Variants in DENND1B observed in about 807,000 individuals in gnomAD.
DENND1B encodes the protein DENN domain-containing protein 1B.
In DENND1B, 59 loss-of-function variants were observed where a neutral mutation model predicts 90.1. The observed-to-expected ratio is 0.65, with a 90% confidence interval of 0.53 to 0.81. DENND1B has a LOEUF of 0.81. Ranked by LOEUF, DENND1B falls within the 40% of genes least tolerant of loss-of-function variation. The pLI is 0.00. For synonymous variants in DENND1B, 337 were observed against 324.6 expected (o/e 1.04, Z -0.41); for missense variants, 862 against 912.6 (o/e 0.94, Z 0.71).
intron 2 of DENND1B, among the ~76,000 whole-genome samples, chr1:197,723,432 G>A (rs1310312028): frequency 6.6e-6 from 1 of 152,030 alleles, no homozygotes; most frequent in African/African-American, 2.4e-5. Context: ...GGCCCTTCAT[G>A]AGAGTTTTAA....
intron 5 of DENND1B, among the ~76,000 whole-genome samples, chr1:197,665,717 C>G (rs965640826): frequency 6.6e-6 from 1 of 151,844 alleles, no homozygotes; most frequent in Admixed American, 6.6e-5. Flanking sequence ...TATGCTTCAA[C>G]AAAAGCTCAA....
chr1:197,582,415 T>G (rs1674324105), intron 15 of DENND1B, among the ~76,000 whole-genome samples: 1 of 152,168 alleles, frequency 6.6e-6, no homozygotes, highest in Non-Finnish European at 1.5e-5. Flanking sequence ...TGACACACAG[T>G]AGGTCTTCAT....
chr1:197,716,993 T>A (rs1660709518), intron 2 of DENND1B, among the ~76,000 whole-genome samples: 1 of 151,918 alleles, frequency 6.6e-6, no homozygotes, highest in Admixed American at 6.6e-5. Flanking sequence ...AATAAGTACA[T>A]GAAAACTGCA....
intron 2 of DENND1B, among the ~76,000 whole-genome samples, chr1:197,718,873 G>C (rs1660891474): frequency 6.6e-6 from 1 of 152,078 alleles, no homozygotes; most frequent in Admixed American, 6.6e-5. Flanking sequence ...AGATAAAGCT[G>C]GATTGGCAAG....
upstream of DENND1B, among the ~76,000 whole-genome samples, chr1:197,778,686 A>T (rs11806935): frequency 6.0e-3 from 859 of 144,350 alleles, 8 homozygotes; most frequent in African/African-American, 0.02. Flanking sequence ...AAAAAAAATT[A>T]AAAAAAAAAA....
At chr1:197,766,953 C>T (rs1314802269) in intron 2 of DENND1B, among the ~76,000 whole-genome samples, 2 of 151,808 alleles carry the variant, frequency 1.3e-5, no homozygotes, top group African/African-American at 2.4e-5. Flanking sequence ...GACACCACAC[C>T]CCGCTAAATT....
intron 3 of DENND1B, among the ~76,000 whole-genome samples, chr1:197,691,088 A>G (rs891937226): frequency 1.3e-5 from 2 of 152,038 alleles, no homozygotes; most frequent in Non-Finnish European, 2.9e-5. Flanking sequence ...ACAGGCAACT[A>G]AGGCAAAAAT....
At chr1:197,562,037 T>C (rs919361615) in intron 15 of DENND1B, among the ~76,000 whole-genome samples, 6 of 152,026 alleles carry the variant, frequency 3.9e-5, no homozygotes, top group Admixed American at 3.9e-4. Flanking sequence ...GAAATCTACA[T>C]TGACTATATT....
At chr1:197,621,657 A>G in intron 10 of DENND1B, among the ~76,000 whole-genome samples, 1 of 151,380 alleles carries the variant, frequency 6.6e-6, no homozygotes, top group Admixed American at 6.6e-5. Context: ...TGACAGGGCC[A>G]AGACTCCACA....
chr1:197,585,327 G>A (rs1484796633), intron 14 of DENND1B, among the ~76,000 whole-genome samples: 14 of 152,102 alleles, frequency 9.2e-5, no homozygotes, highest in African/African-American at 3.4e-4. Flanking sequence ...GCCTCTAATG[G>A]CAGTTCTGGC....
intron 14 of DENND1B, among the ~76,000 whole-genome samples, chr1:197,592,349 G>A (rs557968212): frequency 6.6e-6 from 1 of 152,124 alleles, no homozygotes; most frequent in South Asian, 2.1e-4. Context: ...CTTATCTAAA[G>A]GGCCTATCAA....
At chr1:197,557,172 T>C (rs543774971) in intron 15 of DENND1B, among the ~76,000 whole-genome samples, 2 of 152,082 alleles carry the variant, frequency 1.3e-5, no homozygotes, top group Non-Finnish European at 2.9e-5. Flanking sequence ...CTTGCACACA[T>C]TTGTAACACA....
chr1:197,566,327 T>A (rs1008754761), intron 15 of DENND1B, among the ~76,000 whole-genome samples: 1 of 152,126 alleles, frequency 6.6e-6, no homozygotes, highest in East Asian at 1.9e-4. Flanking sequence ...GCCCACTTTT[T>A]GATGGGGTTG....
chr1:197,735,521 G>A, intron 2 of DENND1B: 1 of 1,608,848 alleles, frequency 6.2e-7, no homozygotes, highest in Admixed American at 1.7e-5. Flanking sequence ...TTACTTTAGT[G>A]TGAACTATGA....
Position 197,510,669 on chromosome 1 carries a change from G to C in DENND1B, c.2119C>G (p.Leu707Val), listed in dbSNP as rs1189281035. The change falls in exon 23 of 23, where the codon CTA becomes GTA. Residue 707 changes from leucine to valine, a missense_variant. Coordinates refer to ENST00000620048, the MANE Select transcript of DENND1B (RefSeq NM_001195215.2). ...DKGKTEKRET[L>V]SQISDDLLIP... Reference sequence around the variant, plus strand: ...AGCAGATCATCTGAAATCTGGCTTAGTGTTTCCCTCTTTTCTGTTTTTCCT... The same window carrying C: ...AGCAGATCATCTGAAATCTGGCTTACTGTTTCCCTCTTTTCTGTTTTTCCT... 9 of 1,612,696 alleles carry C rather than the reference G, an allele frequency of 5.6e-6. No individual in the cohort carries two copies. Among genetic ancestry groups the C allele is most frequent in the Non-Finnish European group, 7.6e-6 (9 of 1,179,222 alleles).
chr1:197,731,647 G>C (rs1253640052), intron 2 of DENND1B, among the ~76,000 whole-genome samples: 2 of 152,154 alleles, frequency 1.3e-5, no homozygotes, highest in African/African-American at 4.8e-5. Context: ...CTGGGCCACA[G>C]TGGAAGAAGG....
At chr1:197,773,583 T>C (rs1419111838) in intron 1 of DENND1B, among the ~76,000 whole-genome samples, 3 of 152,250 alleles carry the variant, frequency 2.0e-5, no homozygotes, top group African/African-American at 7.2e-5. Context: ...GCCTTCTTTT[T>C]ATCCATTATC....
chr1:197,544,924 A>AGAG (rs1558222302), intron 18 of DENND1B, among the ~76,000 whole-genome samples: 188 of 1,390 alleles, frequency 0.14, 5 homozygotes, highest in African/African-American at 0.19. Flanking sequence ...AAGAAGAAGA[A>AGAG]AAGAGAAGAA....
chr1:197,579,238 G>A (rs1673976914), intron 15 of DENND1B, among the ~76,000 whole-genome samples: 3 of 152,128 alleles, frequency 2.0e-5, no homozygotes, highest in Non-Finnish European at 4.4e-5. Context: ...AACACGAGGG[G>A]GGCAAACTCA....
Sources: gnomAD v4.1 joint callset for allele counts (sites outside exome capture counted in the v4.1 genomes callset) on GRCh38, gnomAD v4.1.1 for gene constraint, MANE v1.5 for transcripts, NCBI Gene and HGNC (gene_info 2026-07-23, HGNC 2026-07-21) for gene names.